Variants in MROH1 observed in about 807,000 individuals in gnomAD.
The protein encoded by MROH1 is maestro heat-like repeat-containing protein family member 1.
MROH1 carries 117 observed loss-of-function variants against 116.5 expected under a neutral mutation model. That is an observed-to-expected ratio of 1.00 (90% confidence interval 0.86 to 1.17). The LOEUF is 1.17. Among genes scored for constraint, MROH1 ranks in the 50% most tolerant of loss-of-function variants. The pLI, the probability that MROH1 is intolerant of heterozygous loss-of-function variation, is 0.00. For synonymous variants in MROH1, 921 were observed against 583.9 expected, an observed-to-expected ratio of 1.58 and a Z score of -8.32; for missense variants, 1,873 against 1,338.5, an observed-to-expected ratio of 1.40 and a Z score of -6.23.
At chr8:144,210,371 G>A (rs540452156) in intron 12 of MROH1, among the ~76,000 whole-genome samples, 2 of 151,254 alleles carry the variant, frequency 1.3e-5, no homozygotes, top group Non-Finnish European at 2.9e-5. Context: ...CTGGGAGGGG[G>A]AGGTTGCAGT....
Position 144,255,713 on chromosome 8 carries a change from G to T in MROH1, c.3791+8G>T. 1.3e-6 allele frequency: 1 copy of T among 748,444 alleles called. No individual in the cohort carries two copies. The highest frequency in any genetic ancestry group is 2.5e-6 in the Non-Finnish European group (1 of 402,556). The allele number at this position is 748,444 out of a possible 1,614,324, so 46.4% of individuals were successfully genotyped here. On this transcript the variant is annotated splice_region_variant and intron_variant, in intron 35 of 43. Transcript: ENST00000326134. ...GAACCTGGAACCCTGCAGGTATCTG[G>T]GTCCCCACTTCCCACCTCCAGTACT...
chr8:144,240,426 T>G (rs1840768205), intron 19 of MROH1, 144 bp from the exon 20 acceptor site: 2 of 686,738 alleles, frequency 2.9e-6, no homozygotes, highest in East Asian at 5.4e-5. Context: ...GGCTGTCCCC[T>G]GAGGGTTGGC....
intron 14 of MROH1, among the ~76,000 whole-genome samples, chr8:144,237,020 C>T (rs1275680886): frequency 1.3e-5 from 2 of 150,332 alleles, no homozygotes; most frequent in Non-Finnish European, 3.0e-5. Flanking sequence ...GTTCTTCTGC[C>T]TCAGCCTCCC....
At chr8:144,235,235 T>C (rs1588402035) in intron 14 of MROH1, among the ~76,000 whole-genome samples, 1 of 152,234 alleles carries the variant, frequency 6.6e-6, no homozygotes, top group Non-Finnish European at 1.5e-5. Flanking sequence ...TACTGCAACC[T>C]TGTTGAACTT....
chr8:144,186,672 G>T (rs1228729590), intron 7 of MROH1, among the ~76,000 whole-genome samples: 1 of 152,192 alleles, frequency 6.6e-6, no homozygotes, highest in African/African-American at 2.4e-5. Context: ...ATAGGGGCTG[G>T]CTCTGTCCTG....
At chr8:144,155,686 C>A (rs1817874804) in intron 1 of MROH1, among the ~76,000 whole-genome samples, 1 of 147,520 alleles carries the variant, frequency 6.8e-6, no homozygotes, top group Non-Finnish European at 1.5e-5. Context: ...GTCACCCAGG[C>A]CAGAATGCAC....
At chr8:144,238,685 C>CG (rs1840456590) in intron 14 of MROH1, 71 bp from the exon 15 acceptor site, 1 of 746,332 alleles carries the variant, frequency 1.3e-6, no homozygotes, top group Non-Finnish European at 2.4e-6. Context: ...GCCCCGCTTC[C>CG]GGGCAGGCTG....
At chr8:144,199,661 C>T (rs1406558921) in intron 11 of MROH1, among the ~76,000 whole-genome samples, 2 of 152,198 alleles carry the variant, frequency 1.3e-5, no homozygotes, top group Non-Finnish European at 2.9e-5. Context: ...TGCACAGGCC[C>T]TCATAGCCAT....
Position 144,199,136 on chromosome 8 carries a change from G to A in MROH1, c.963G>A (p.Val321=), listed in dbSNP as rs1830541961. 1 of 1,613,772 alleles carries A rather than the reference G, an allele frequency of 6.2e-7. No individual in the cohort carries two copies. The highest frequency in any genetic ancestry group is 8.5e-7 in the Non-Finnish European group (1 of 1,179,804). ...AALHSQICVP[V]ESSSPLVMSN... ...TCCTGGAGCAGATCTGTGTGCCTGTGGAGTCCTCAAGCCCCCTGGTGATGA... is the reference window on the plus strand; with the variant it reads ...TCCTGGAGCAGATCTGTGTGCCTGTAGAGTCCTCAAGCCCCCTGGTGATGA... The change falls in exon 11 of 44, where the codon GTG becomes GTA. Residue 321 remains valine, a synonymous_variant. Transcript: ENST00000326134.
chr8:144,241,358 G>A, intron 21 of MROH1, 37 bp from the exon 22 acceptor site: 1 of 748,254 alleles, frequency 1.3e-6, no homozygotes, highest in Non-Finnish European at 2.5e-6. Context: ...GGCAGTGCGT[G>A]CTCTTCCCTG....
Position 144,260,817 on chromosome 8 carries a change from G to C in MROH1, c.4521G>C (p.Gln1507His). The C allele has an allele frequency of 1.3e-6, 1 of 777,932 alleles. No individual in the cohort carries two copies. Among genetic ancestry groups the C allele is most frequent in the Non-Finnish European group, 2.4e-6 (1 of 417,578 alleles). The allele number at this position is 777,932 out of a possible 1,614,324, so 48.2% of individuals were successfully genotyped here. The change falls in exon 40 of 44, where the codon CAG (glutamine) becomes CAC (histidine). Residue 1507 changes from glutamine to histidine, a missense_variant. Transcript: ENST00000326134. ...TGCTGCTGCACCTGCAGGACCCTCA[G>C]GCCACCGTGGCCAGCGTGAGTAGCC... is the stretch of plus-strand genomic sequence containing the variant. Reference protein sequence around the residue: ...APLLLHLQDPQATVASACRFA... With the variant: ...APLLLHLQDPHATVASACRFA...
At chr8:144,191,564 C>T in intron 8 of MROH1, 151 bp from the exon 9 acceptor site, 1 of 1,057,010 alleles carries the variant, frequency 9.5e-7, no homozygotes, top group Non-Finnish European at 1.3e-6. Context: ...CCACAGCTGA[C>T]CTCTGGGTGC....
chr8:144,203,551 T>C (rs1351687673), intron 12 of MROH1, among the ~76,000 whole-genome samples: 1 of 151,782 alleles, frequency 6.6e-6, no homozygotes, highest in African/African-American at 2.4e-5. Flanking sequence ...GCGCCCGCTC[T>C]CTGGAGGGGA....
chr8:144,260,592 G>C, intron 39 of MROH1, 85 bp from the exon 40 acceptor site: 1 of 765,442 alleles, frequency 1.3e-6, no homozygotes, highest in Admixed American at 1.7e-5. Flanking sequence ...GTCAGGCAAG[G>C]GCACCCATCA....
intron 29 of MROH1, among the ~76,000 whole-genome samples, chr8:144,247,020 G>A (rs1307393551): frequency 6.6e-5 from 10 of 152,352 alleles, no homozygotes; most frequent in South Asian, 4.1e-4. Context: ...TGCCCACGTC[G>A]GCATGGCCTG....
chr8:144,197,098 AAAC>A (rs796658550), intron 10 of MROH1, among the ~76,000 whole-genome samples: 17 of 152,150 alleles, frequency 1.1e-4, no homozygotes, highest in African/African-American at 2.2e-4. Context: ...CTGTCTCAAA[AAAC>A]AACAACAACA....
intron 4 of MROH1, among the ~76,000 whole-genome samples, chr8:144,173,353 C>T (rs911220330): frequency 2.0e-5 from 3 of 151,826 alleles, no homozygotes; most frequent in Non-Finnish European, 2.9e-5. Context: ...AGCAATCCAC[C>T]TGCCTTGGCT....
chr8:144,187,281 G>A (rs1219232160), intron 7 of MROH1, among the ~76,000 whole-genome samples: 1 of 151,938 alleles, frequency 6.6e-6, no homozygotes, highest in Admixed American at 6.6e-5. Context: ...ACAGTGTCAC[G>A]CACCTGTAGT....
At chr8:144,184,922 G>A (rs576350628) in intron 7 of MROH1, among the ~76,000 whole-genome samples, 39 of 152,322 alleles carry the variant, frequency 2.6e-4, no homozygotes, top group African/African-American at 8.9e-4. Flanking sequence ...CTATGGGGCT[G>A]GGGCAGAGCA....
Sources: gnomAD v4.1 joint callset for allele counts (sites outside exome capture counted in the v4.1 genomes callset) on GRCh38, gnomAD v4.1.1 for gene constraint, MANE v1.5 for transcripts, NCBI Gene and HGNC (gene_info 2026-07-23, HGNC 2026-07-21) for gene names.